KLHDC1: variants seen among roughly 807,000 people sequenced by gnomAD.
The protein encoded by KLHDC1 is kelch domain-containing protein 1.
Under a neutral mutation model 68.3 loss-of-function variants are expected in KLHDC1, and 53 were observed. That is an observed-to-expected ratio of 0.78 (90% confidence interval 0.62 to 0.98). KLHDC1 has a LOEUF of 0.98. KLHDC1 is among the 50% of genes least tolerant of loss of function. The probability of loss-of-function intolerance (pLI) is 0.00; values close to 1 mark genes in which losing one functional copy is unlikely to be tolerated. For synonymous variants in KLHDC1, 148 were observed against 159.0 expected, an observed-to-expected ratio of 0.93 and a Z score of 0.52; for missense variants, 470 against 492.3, an observed-to-expected ratio of 0.95 and a Z score of 0.43.
At chr14:49,731,492 G>A (rs1888807958) in intron 8 of KLHDC1, among the ~76,000 whole-genome samples, 2 of 151,024 alleles carry the variant, frequency 1.3e-5, no homozygotes, top group South Asian at 4.2e-4. Flanking sequence ...TTTTGGAGAC[G>A]GAGTTTCGCT....
At chr14:49,707,438 C>T in intron 1 of KLHDC1, among the ~76,000 whole-genome samples, 1 of 148,050 alleles carries the variant, frequency 6.8e-6, no homozygotes, top group Non-Finnish European at 1.5e-5. Flanking sequence ...GCCTCCACCT[C>T]CGGGGTTCAA....
At chr14:49,704,418 G>C (rs545262630) in intron 1 of KLHDC1, among the ~76,000 whole-genome samples, 1 of 89,132 alleles carries the variant, frequency 1.1e-5, no homozygotes, top group East Asian at 4.2e-4. Flanking sequence ...TTTTGAGACA[G>C]AGTCTCGCTT....
intron 1 of KLHDC1, among the ~76,000 whole-genome samples, chr14:49,696,076 A>G (rs2139725066): frequency 6.6e-6 from 1 of 152,034 alleles, no homozygotes; most frequent in South Asian, 2.1e-4. Flanking sequence ...AGAAAAAAAA[A>G]AAAAAAAATC....
At chr14:49,707,683 C>T (rs1225305736) in intron 1 of KLHDC1, 1 of 119,570 alleles carries the variant, frequency 8.4e-6, no homozygotes, top group East Asian at 2.6e-4. Flanking sequence ...CAGGGTCTGC[C>T]TCTGTCGCCC....
In KLHDC1 at chr14:49,752,290, C is replaced by A. The variant is rs1889335591; in HGVS notation, c.*518C>A. 4 of 152,386 alleles carry A rather than the reference C, an allele frequency of 2.6e-5. No individual in the cohort carries two copies. The South Asian group carries it at 6.2e-4, about 24-fold the overall frequency. 9.4% of individuals were successfully genotyped at this position (152,386 alleles called of 1,614,324 possible). ...CACCAAAATGGTATTAAATATTGAA[C>A]TCCTGACCTTTTCGACACTTACCTA... On this transcript the variant is annotated 3_prime_UTR_variant, in exon 13 of 13. Coordinates refer to ENST00000359332, the MANE Select transcript of KLHDC1 (RefSeq NM_172193.3).
chr14:49,746,638 A>G (rs915225027), intron 12 of KLHDC1, among the ~76,000 whole-genome samples: 1 of 152,230 alleles, frequency 6.6e-6, no homozygotes, highest in Non-Finnish European at 1.5e-5. Flanking sequence ...CACTGCTTCC[A>G]GGTTACATCA....
At chr14:49,700,062 T>G (rs1887857960) in intron 1 of KLHDC1, 1 of 345,222 alleles carries the variant, frequency 2.9e-6, no homozygotes, top group Non-Finnish European at 5.5e-6. Context: ...GGAGTCTCGC[T>G]CTTGCCCAGG....
Position 49,729,511 on chromosome 14 carries a change from C to G in KLHDC1, c.673C>G (p.His225Asp). The stretch of plus-strand genomic sequence containing the variant: ...TTAGCAAACTAGGATGAATGATTTG[C>G]ACTATCTAAACCTAGACACCTGGAC... Reference protein sequence around the residue: ...RVLQTRMNDLHYLNLDTWTWS... With the variant: ...RVLQTRMNDLDYLNLDTWTWS... The change falls in exon 8 of 13, where the codon CAC becomes GAC. Residue 225 changes from histidine to aspartate, a missense_variant. By Grantham distance (81) the His-to-Asp change is moderately conservative. Coordinates refer to ENST00000359332, the MANE Select transcript of KLHDC1 (RefSeq NM_172193.3). 6.2e-7 allele frequency: 1 copy of G among 1,610,418 alleles called. No homozygotes were observed. The highest frequency in any genetic ancestry group is 8.5e-7 in the Non-Finnish European group (1 of 1,176,984).
At position 49,750,376 on chromosome 14, in the gene KLHDC1, C is replaced by T. The variant is rs77862994; in HGVS notation, c.1035-1210C>T. On this transcript the variant is annotated intron_variant, in intron 12 of 12. Transcript: ENST00000359332. The stretch of plus-strand genomic sequence containing the variant: ...TAATTTGTTGAGGACCTCAAGGTCT[C>T]AGCTTGGACCTCCATCTGGAGAGTT... 5.0e-3 allele frequency among the ~76,000 whole-genome samples: 756 copies of T among 152,340 alleles called. 4 individuals are homozygous for T. The highest frequency in any genetic ancestry group is 8.5e-3 in the Non-Finnish European group (576 of 68,036).
chr14:49,694,534 G>A (rs1887676178), intron 1 of KLHDC1, among the ~76,000 whole-genome samples: 1 of 152,054 alleles, frequency 6.6e-6, no homozygotes. Flanking sequence ...TGTTAAGCAT[G>A]CAATAGTATT....
intron 10 of KLHDC1, among the ~76,000 whole-genome samples, chr14:49,735,536 T>C (rs1157323645): frequency 6.6e-6 from 1 of 152,166 alleles, no homozygotes; most frequent in Non-Finnish European, 1.5e-5. Flanking sequence ...ATAATTGCAT[T>C]TGTGATTCTT....
At chr14:49,693,864 C>T (rs907990221) in intron 1 of KLHDC1, among the ~76,000 whole-genome samples, 18 of 150,878 alleles carry the variant, frequency 1.2e-4, no homozygotes, top group African/African-American at 4.9e-5. Flanking sequence ...AGCGATTCTC[C>T]TGCCTCAGCC....
At chr14:49,731,274 G>A (rs537273175) in intron 8 of KLHDC1, among the ~76,000 whole-genome samples, 33 of 151,906 alleles carry the variant, frequency 2.2e-4, no homozygotes, top group African/African-American at 5.5e-4. Flanking sequence ...GCAAAACGCC[G>A]CCTCAAAAAA....
Position 49,710,377 on chromosome 14 carries a change from G to C in KLHDC1, c.400G>C (p.Asp134His), listed in dbSNP as rs201623858. 1.3e-6 allele frequency: 2 copies of C among 1,524,112 alleles called. No homozygotes were observed. The highest frequency in any genetic ancestry group is 3.3e-5 in the Admixed American group (2 of 59,756). The allele number at this position is 1,524,112 out of a possible 1,614,324, so 94.4% of individuals were successfully genotyped here. ...RDKLSCWVYK[D>H]RLIYFGGYGC... ...TAAACTTTCCTGCTGGGTATATAAA[G>C]ACAGGTAATGCAGCAGTTGCACTTA... The change falls in exon 4 of 13, where the codon GAC becomes CAC. Residue 134 changes from aspartate to histidine, a missense_variant. By Grantham distance (81) the Asp-to-His change is moderately conservative (BLOSUM62 -1). Coordinates refer to ENST00000359332, the MANE Select transcript of KLHDC1 (RefSeq NM_172193.3).
chr14:49,736,496 A>G (rs1888932599), intron 10 of KLHDC1, among the ~76,000 whole-genome samples: 1 of 152,184 alleles, frequency 6.6e-6, no homozygotes, highest in Admixed American at 6.6e-5. Context: ...GTATGAGGTG[A>G]GGAGAAGAAC....
chr14:49,693,737 C>CT (rs1231296893), intron 1 of KLHDC1, among the ~76,000 whole-genome samples: 26 of 111,868 alleles, frequency 2.3e-4, no homozygotes, highest in African/African-American at 4.5e-4. Flanking sequence ...TATTTATTTT[C>CT]TTTTCTTTTT....
intron 12 of KLHDC1, among the ~76,000 whole-genome samples, chr14:49,746,810 C>G (rs1889209309): frequency 6.6e-6 from 1 of 152,130 alleles, no homozygotes; most frequent in Admixed American, 6.6e-5. Flanking sequence ...ACAGTTCCAC[C>G]TGTGAAATCT....
chr14:49,733,673 A>C (rs1888869193), intron 9 of KLHDC1, among the ~76,000 whole-genome samples: 1 of 152,074 alleles, frequency 6.6e-6, no homozygotes, highest in Non-Finnish European at 1.5e-5. Context: ...CACCCGCCTC[A>C]GCCTCCCAAA....
intron 11 of KLHDC1, among the ~76,000 whole-genome samples, chr14:49,741,493 G>A (rs1889065767): frequency 6.6e-6 from 1 of 151,882 alleles, no homozygotes; most frequent in African/African-American, 2.4e-5. Flanking sequence ...TTTTAGTAGA[G>A]ATGAGGTTTC....
Sources: allele counts gnomAD v4.1 joint callset (sites outside exome capture counted in the v4.1 genomes callset), GRCh38; gene constraint gnomAD v4.1.1; transcripts MANE v1.5; gene names NCBI Gene and HGNC (gene_info 2026-07-23, HGNC 2026-07-21).